TANC2: variants seen among roughly 807,000 people sequenced by gnomAD.
TANC2 encodes tetratricopeptide repeat, ankyrin repeat and coiled-coil containing 2.
Under a neutral mutation model 210.5 loss-of-function variants are expected in TANC2, and 26 were observed. The ratio of observed to expected loss-of-function variants is 0.12; its 90% CI spans 0.09 to 0.17. TANC2 has a LOEUF of 0.17. TANC2 is among the 10% of genes least tolerant of loss of function. The pLI, the probability that TANC2 is intolerant of heterozygous loss-of-function variation, is 1.00. For missense variants in TANC2, 2,129 were observed against 2,608.9 expected, an observed-to-expected ratio of 0.82 and a Z score of 4.01; for synonymous variants, 931 against 967.1, an observed-to-expected ratio of 0.96 and a Z score of 0.69.
exon 17 of TANC2, chr17:63,389,519 T>G: frequency 6.2e-7 from 1 of 1,610,752 alleles, no homozygotes. Flanking sequence ...AGCATTGTGG[T>G]GCTGCTGTGC....
At chr17:63,026,489 C>T (rs2034558328) in intron 2 of TANC2, among the ~76,000 whole-genome samples, 1 of 152,048 alleles carries the variant, frequency 6.6e-6, no homozygotes, top group African/African-American at 2.4e-5. Flanking sequence ...AGAGGATACA[C>T]AAGGAAGACA....
intron 1 of TANC2, among the ~76,000 whole-genome samples, chr17:62,975,995 G>A (rs979390837): frequency 2.0e-5 from 3 of 151,896 alleles, no homozygotes; most frequent in African/African-American, 2.4e-5. Context: ...GCCTTGCAAG[G>A]CATTTTAGAA....
Position 63,258,099 on chromosome 17 carries a change from T to C in TANC2, c.1034-9649T>C, listed in dbSNP as rs925955673. Among the ~76,000 whole-genome samples, 13 of 152,210 alleles carry C rather than the reference T, an allele frequency of 8.5e-5. 1 individual carries two copies. Among genetic ancestry groups the C allele is most frequent in the African/African-American group, 3.1e-4 (13 of 41,452 alleles). On this transcript the variant is annotated intron_variant, in intron 8 of 27. Coordinates refer to ENST00000689528, the Ensembl canonical transcript of TANC2. Reference sequence around the variant, plus strand: ...TGGGAGAGCCTTTGTTTCTCCTTCATGTTTGAAGGATGTTTTCCCTGGATA... The same window carrying C: ...TGGGAGAGCCTTTGTTTCTCCTTCACGTTTGAAGGATGTTTTCCCTGGATA...
chr17:63,072,300 T>G (rs2144642337), intron 2 of TANC2, among the ~76,000 whole-genome samples: 1 of 152,252 alleles, frequency 6.6e-6, no homozygotes, highest in Middle Eastern at 3.4e-3. Flanking sequence ...TAAGAAGGAT[T>G]GTAAATGTTC....
intron 1 of TANC2, among the ~76,000 whole-genome samples, chr17:62,974,354 TTTC>T (rs938491980): frequency 6.6e-6 from 1 of 152,340 alleles, no homozygotes; most frequent in African/African-American, 2.4e-5. Flanking sequence ...GTAGAATGTT[TTTC>T]TTCGCTCACA....
intron 4 of TANC2, among the ~76,000 whole-genome samples, chr17:63,103,039 A>G (rs2037688688): frequency 6.6e-6 from 1 of 152,214 alleles, no homozygotes; most frequent in African/African-American, 2.4e-5. Flanking sequence ...TTTCATATCA[A>G]GGATTTGAGC....
At chr17:62,967,288 T>TA (rs934394106) in intron 1 of TANC2, 3 of 152,146 alleles carry the variant, frequency 2.0e-5, no homozygotes, top group Non-Finnish European at 4.4e-5. Context: ...GGAGCTATGA[T>TA]AAGCTATTTT....
At chr17:63,321,942 T>C (rs2045507649) in intron 11 of TANC2, among the ~76,000 whole-genome samples, 1 of 152,192 alleles carries the variant, frequency 6.6e-6, no homozygotes, top group Admixed American at 6.5e-5. Context: ...CAGTACCTGG[T>C]GTTTCTAATT....
rs373599249 is a variant in TANC2, at chr17:63,314,399, C to T, written c.1171C>T (p.Pro391Ser). Reference sequence around the variant, plus strand: ...CTTGTTCCTTTCAGTTCGCTTTGCACCTTATAGGCCTCCAGATATCTCCTT... The same window carrying T: ...CTTGTTCCTTTCAGTTCGCTTTGCATCTTATAGGCCTCCAGATATCTCCTT... Residue 391 changes from proline to serine, a missense_variant, in exon 10 of 28, where the codon CCT becomes TCT. Pro to Ser is a moderately conservative substitution (Grantham distance 74). Around this residue, in one of 5 missense-constraint regions of TANC2, gnomAD observed 739 missense variants for 848.0 expected, o/e 0.87. Transcript: ENST00000689528. 27 of 1,613,860 alleles carry T rather than the reference C, an allele frequency of 1.7e-5. No homozygotes were observed. The highest frequency in any genetic ancestry group is 2.3e-5 in the Non-Finnish European group (27 of 1,179,802).
At chr17:63,227,634 G>A (rs2042362728) in intron 7 of TANC2, among the ~76,000 whole-genome samples, 2 of 151,944 alleles carry the variant, frequency 1.3e-5, no homozygotes, top group Admixed American at 1.3e-4. Context: ...GTTAATTTTG[G>A]CTTTTATTGC....
At chr17:63,340,107 G>A in exon 12 of TANC2, 2 of 1,613,322 alleles carry the variant, frequency 1.2e-6, no homozygotes, top group Non-Finnish European at 1.7e-6. Flanking sequence ...GCAGGTGGTT[G>A]CCTATCACTA....
intron 2 of TANC2, among the ~76,000 whole-genome samples, chr17:63,037,066 A>G (rs1247558555): frequency 6.6e-6 from 1 of 152,170 alleles, no homozygotes; most frequent in East Asian, 1.9e-4. Flanking sequence ...AAATAGAACA[A>G]TTATTATAAC....
chr17:63,092,968 C>T (rs1568379053), intron 3 of TANC2, among the ~76,000 whole-genome samples: 6 of 152,122 alleles, frequency 3.9e-5, no homozygotes. Context: ...GTTAAGAGTT[C>T]TTACAGCCTA....
At chr17:63,128,835 T>C in intron 4 of TANC2, among the ~76,000 whole-genome samples, 1 of 152,228 alleles carries the variant, frequency 6.6e-6, no homozygotes, top group East Asian at 1.9e-4. Flanking sequence ...GTATATGACT[T>C]AGGTCAAAAT....
At chr17:63,038,806 C>A (rs1232851720) in intron 2 of TANC2, among the ~76,000 whole-genome samples, 2 of 152,046 alleles carry the variant, frequency 1.3e-5, no homozygotes, top group African/African-American at 4.8e-5. Context: ...AACTTTATGA[C>A]CTTGGGAAAG....
chr17:63,322,513 A>G (rs1042210555), intron 11 of TANC2, among the ~76,000 whole-genome samples: 1 of 152,168 alleles, frequency 6.6e-6, no homozygotes, highest in Non-Finnish European at 1.5e-5. Flanking sequence ...AAAAGAACAG[A>G]CTAATATCTA....
chr17:63,185,748 A>G (rs1468731437), intron 5 of TANC2, among the ~76,000 whole-genome samples: 1 of 152,178 alleles, frequency 6.6e-6, no homozygotes, highest in Non-Finnish European at 1.5e-5. Context: ...TGCATTTCCC[A>G]ATAATATTGA....
exon 16 of TANC2, chr17:63,388,704 G>A (rs2047863875): frequency 3.1e-6 from 5 of 1,600,568 alleles, no homozygotes; most frequent in Admixed American, 1.7e-5. Flanking sequence ...TAGCACAGAA[G>A]GTCTTTCCAT....
At chr17:63,278,378 C>T (rs996315660) in intron 9 of TANC2, among the ~76,000 whole-genome samples, 3 of 151,884 alleles carry the variant, frequency 2.0e-5, no homozygotes, top group Non-Finnish European at 4.4e-5. Flanking sequence ...AAAAAATGCT[C>T]AATATCACTT....
Sources: gnomAD v4.1 joint callset for allele counts (sites outside exome capture counted in the v4.1 genomes callset) on GRCh38, gnomAD v4.1.1 for gene constraint, gnomAD v4.1.1 regional missense constraint, MANE v1.5 for transcripts, NCBI Gene and HGNC (gene_info 2026-07-23, HGNC 2026-07-21) for gene names.